Variants in LPCAT1 observed in about 807,000 individuals in gnomAD.
The protein encoded by LPCAT1 is 1-acylglycerol-3-phosphate O-acyltransferase.
In LPCAT1, 23 loss-of-function variants were observed where a neutral mutation model predicts 60.9. That is an observed-to-expected ratio of 0.38 (90% CI 0.27 to 0.53). The LOEUF (loss-of-function observed/expected upper bound fraction) is 0.53. Ranked by LOEUF, LPCAT1 falls within the 20% of genes least tolerant of loss-of-function variation. The probability of loss-of-function intolerance (pLI) is 0.82; values close to 1 mark genes in which losing one functional copy is unlikely to be tolerated. For missense variants in LPCAT1, 622 were observed against 723.6 expected (o/e 0.86, Z 1.61); for synonymous variants, 340 against 301.1 (o/e 1.13, Z -1.34).
chr5:1,514,631 C>T (rs1482682436), intron 1 of LPCAT1, among the ~76,000 whole-genome samples: 4 of 152,148 alleles, frequency 2.6e-5, no homozygotes, highest in South Asian at 2.1e-4. Flanking sequence ...CCAGGCACGC[C>T]GCCAGGCCGA....
intron 3 of LPCAT1, among the ~76,000 whole-genome samples, chr5:1,490,317 G>A (rs544232010): frequency 2.2e-4 from 33 of 152,292 alleles, no homozygotes; most frequent in African/African-American, 7.2e-4. Flanking sequence ...ACCTCATTTC[G>A]AAACAGGTGG....
chr5:1,468,354 T>G (rs1319538215), intron 12 of LPCAT1, among the ~76,000 whole-genome samples: 4 of 152,230 alleles, frequency 2.6e-5, no homozygotes, highest in Non-Finnish European at 5.9e-5. Flanking sequence ...TGCTGGAGCC[T>G]CAGAACGGGC....
At chr5:1,504,950 C>CCA (rs201058062) in intron 1 of LPCAT1, among the ~76,000 whole-genome samples, 55 of 147,338 alleles carry the variant, frequency 3.7e-4, no homozygotes, top group Non-Finnish European at 5.6e-4. Flanking sequence ...ACTGCTTCCA[C>CCA]CAGAGTGTGG....
chr5:1,511,772 C>T (rs1736363443), intron 1 of LPCAT1, among the ~76,000 whole-genome samples: 1 of 152,246 alleles, frequency 6.6e-6, no homozygotes, highest in South Asian at 2.1e-4. Context: ...TGGCCAGGAA[C>T]CGAGCCCCTC....
intron 5 of LPCAT1, among the ~76,000 whole-genome samples, chr5:1,484,785 C>T (rs745759852): frequency 4.6e-5 from 7 of 152,252 alleles, no homozygotes; most frequent in Non-Finnish European, 8.8e-5. Flanking sequence ...CCAGCTGGCA[C>T]CCCAAGTCCC....
Position 1,480,039 on chromosome 5 carries a change from C to G in LPCAT1, c.762-364G>C, listed in dbSNP as rs1158813400. On this transcript the variant is annotated intron_variant, in intron 7 of 13. Coordinates refer to ENST00000283415, the MANE Select transcript of LPCAT1 (RefSeq NM_024830.5). The surrounding 1 kb of genome is among the most constrained non-coding windows in gnomAD (Gnocchi z 6.4). The stretch of plus-strand genomic sequence containing the variant: ...GCCCTGAGTCATGCCACCCCTCCAG[C>G]CTGGATCCAGAGTTCCCAACCTCAG... 6.6e-6 allele frequency among the ~76,000 whole-genome samples: 1 copy of G among 151,986 alleles called. No homozygotes were observed. The highest frequency in any genetic ancestry group is 6.5e-5 in the Admixed American group (1 of 15,280).
intron 1 of LPCAT1, among the ~76,000 whole-genome samples, chr5:1,506,148 C>A (rs1307993381): frequency 1.3e-5 from 2 of 152,204 alleles, no homozygotes; most frequent in African/African-American, 4.8e-5. Flanking sequence ...AGGCCTCCAG[C>A]AGATGGGGAG....
In LPCAT1 at chr5:1,461,725, GATTTT is replaced by G. The variant is rs1164595785; in HGVS notation, c.*1921_*1925del. ...ATCCATTCAAAGTCTGTTTATCAGA[GATTTT>G]TTTTTCTGAAAATGCACAGTGGCAT... On this transcript the variant is annotated 3_prime_UTR_variant, in exon 14 of 14. Transcript: ENST00000283415. 6.5e-6 allele frequency: 1 copy of G among 152,706 alleles called. No homozygotes were observed. The highest frequency in any genetic ancestry group is 1.5e-5 in the Non-Finnish European group (1 of 68,030). The allele number at this position is 152,706 out of a possible 1,614,324, so 9.5% of individuals were successfully genotyped here.
intron 11 of LPCAT1, 32 bp downstream of exon 11, chr5:1,473,925 C>T (rs1187001654): frequency 1.4e-5 from 22 of 1,592,514 alleles, no homozygotes; most frequent in African/African-American, 2.7e-5. Context: ...GAGGTTTTGC[C>T]GACACCCCGC....
rs551680156 is a variant in LPCAT1, at chr5:1,499,940, C to T, written c.278+1521G>A. The stretch of plus-strand genomic sequence containing the variant: ...ATACAGCCCACAGATCAGACACCTT[C>T]CAGAGAAAGGAGGGGCCTGGGCGTG... On this transcript the variant is annotated intron_variant, in intron 2 of 13. Coordinates refer to ENST00000283415, the MANE Select transcript of LPCAT1 (RefSeq NM_024830.5). 2.6e-5 allele frequency among the ~76,000 whole-genome samples: 4 copies of T among 152,384 alleles called. 1 individual carries two copies. In the East Asian group the frequency reaches 5.8e-4, roughly 22 times the overall value.
chr5:1,467,923 C>G (rs957648417), intron 12 of LPCAT1, among the ~76,000 whole-genome samples: 1 of 152,122 alleles, frequency 6.6e-6, no homozygotes, highest in East Asian at 1.9e-4. Flanking sequence ...ACGGGGCCGT[C>G]GCCCTGACTC....
At position 1,487,244 on chromosome 5, in the gene LPCAT1, C is replaced by G. The variant is rs1283841676; in HGVS notation, c.667+1147G>C. Among the ~76,000 whole-genome samples the G allele has an allele frequency of 6.6e-6, 1 of 152,228 alleles. No individual in the cohort carries two copies. Among genetic ancestry groups the G allele is most frequent in the Non-Finnish European group, 1.5e-5 (1 of 68,038 alleles). On this transcript the variant is annotated intron_variant, in intron 5 of 13. Transcript: ENST00000283415. The surrounding 1 kb of genome is among the most constrained non-coding windows in gnomAD (Gnocchi z 6.1). The stretch of plus-strand genomic sequence containing the variant: ...ACTTTTGGCCTTCACCAAGGTTGCC[C>G]ACAGGCCACGCCCAGGCACGGACCC...
At chr5:1,505,534 T>C (rs1402367758) in intron 1 of LPCAT1, among the ~76,000 whole-genome samples, 2 of 143,442 alleles carry the variant, frequency 1.4e-5, no homozygotes, top group Non-Finnish European at 3.0e-5. Flanking sequence ...GAATGAGCCC[T>C]GGGTGGGGAG....
Position 1,522,330 on chromosome 5 carries a change from T to C in LPCAT1, c.135+1380A>G, listed in dbSNP as rs532530775. Among the ~76,000 whole-genome samples the C allele has an allele frequency of 8.7e-4, 133 of 152,104 alleles. No homozygotes were observed. The highest frequency in any genetic ancestry group is 2.6e-3 in the African/African-American group (109 of 41,492). On this transcript the variant is annotated intron_variant, in intron 1 of 13. Transcript: ENST00000283415. This position sits in a 1 kb window ranked among gnomAD's most constrained non-coding sequence, Gnocchi z 6.8. ...ACAGAATGAGCGACCGTGTCCCAAG[T>C]CCTCCTTTGAGGGGCACAGCACACG...
intron 1 of LPCAT1, among the ~76,000 whole-genome samples, chr5:1,519,165 A>C (rs1736596662): frequency 6.6e-6 from 1 of 152,256 alleles, no homozygotes; most frequent in Non-Finnish European, 1.5e-5. Flanking sequence ...TTTGGGTCAC[A>C]ATCACGGGTT....
rs1235573728 is a variant in LPCAT1 at position 1,461,731 on chromosome 5, T to A, written c.*1920A>T. 1 of 152,716 alleles carries A rather than the reference T, an allele frequency of 6.5e-6. No homozygotes were observed. Among genetic ancestry groups the A allele is most frequent in the Non-Finnish European group, 1.5e-5 (1 of 68,036 alleles). 9.5% of individuals were successfully genotyped at this position (152,716 alleles called of 1,614,324 possible). ...TCAAAGTCTGTTTATCAGAGATTTT[T>A]TTTTCTGAAAATGCACAGTGGCATT... On this transcript the variant is annotated 3_prime_UTR_variant, in exon 14 of 14. Coordinates refer to ENST00000283415, the MANE Select transcript of LPCAT1 (RefSeq NM_024830.5).
chr5:1,511,983 C>T (rs189325753), intron 1 of LPCAT1, among the ~76,000 whole-genome samples: 2 of 152,320 alleles, frequency 1.3e-5, no homozygotes, highest in South Asian at 2.1e-4. Context: ...CATCACTTCC[C>T]GGTCTCAGCG....
intron 1 of LPCAT1, among the ~76,000 whole-genome samples, chr5:1,516,883 C>T (rs911970698): frequency 2.0e-5 from 3 of 152,192 alleles, no homozygotes; most frequent in Admixed American, 6.5e-5. Flanking sequence ...GCTGACTGTG[C>T]TGGAAGTTCA....
At position 1,477,091 on chromosome 5, in the gene LPCAT1, G is replaced by A. The variant is rs1219991915; in HGVS notation, c.899+313C>T. On this transcript the variant is annotated intron_variant, in intron 9 of 13. Transcript: ENST00000283415. This position sits in a 1 kb window ranked among gnomAD's most constrained non-coding sequence, Gnocchi z 6.0. ...AGGCCGCCGCACAGATGTGAAGTTG[G>A]CCCAGGCCAGCGCCCCGCTGGCTCA... Among the ~76,000 whole-genome samples, 2 of 152,202 alleles carry A rather than the reference G, an allele frequency of 1.3e-5. No individual in the cohort carries two copies. Among genetic ancestry groups the A allele is most frequent in the Non-Finnish European group, 2.9e-5 (2 of 68,038 alleles).
Sources: allele counts gnomAD v4.1 joint callset (sites outside exome capture counted in the v4.1 genomes callset), GRCh38; gene constraint gnomAD v4.1.1; non-coding constraint Gnocchi (gnomAD v3.1); transcripts MANE v1.5; gene names NCBI Gene and HGNC (gene_info 2026-07-23, HGNC 2026-07-21).